HIVEP2: variants seen among roughly 807,000 people sequenced by gnomAD.
The protein encoded by HIVEP2 is HIVEP zinc finger 2, also known as transcription factor HIVEP2.
HIVEP2 carries 14 observed loss-of-function variants against 180.7 expected under a neutral mutation model. The ratio of observed to expected loss-of-function variants is 0.08; its 90% CI spans 0.05 to 0.12. The LOEUF (loss-of-function observed/expected upper bound fraction) is 0.12, where lower values mean the gene tolerates loss of function less well. HIVEP2 is among the 10% of genes least tolerant of loss of function. The pLI is 1.00. For synonymous variants in HIVEP2, 1,184 were observed against 1,136.4 expected, an observed-to-expected ratio of 1.04 and a Z score of -0.84; for missense variants, 2,579 against 3,008.5, an observed-to-expected ratio of 0.86 and a Z score of 3.34.
At chr6:142,909,947 G>A (rs1777362826) in intron 1 of HIVEP2, among the ~76,000 whole-genome samples, 2 of 152,146 alleles carry the variant, frequency 1.3e-5, no homozygotes, top group South Asian at 2.1e-4. Flanking sequence ...TCTTGCTTCT[G>A]ATTTTTATAG....
chr6:142,877,201 T>C (rs1171306616), intron 1 of HIVEP2, among the ~76,000 whole-genome samples: 2 of 152,204 alleles, frequency 1.3e-5, no homozygotes, highest in Non-Finnish European at 2.9e-5. Context: ...ACTAGTCTTA[T>C]TGGCCATCTT....
chr6:142,908,854 CAAAAAA>C lies in HIVEP2; in HGVS notation c.-641+36239_-641+36244del, dbSNP rs11443809. On this transcript the variant is annotated intron_variant, in intron 1 of 9. Transcript: ENST00000367603. ...CTCCACTCTGTAAGATACCACCTCT[CAAAAAA>C]AAAAAAAAAAAAAAAAATTCTGAAT... Among the ~76,000 whole-genome samples, 194 of 87,854 alleles carry C rather than the reference CAAAAAA, an allele frequency of 2.2e-3. 2 individuals carry two copies. The East Asian group carries it at 0.059, about 27-fold the overall frequency. 57.6% of individuals were successfully genotyped at this position (87,854 alleles called of 152,430 possible).
chr6:142,858,230 T>C (rs1008287996), intron 1 of HIVEP2, among the ~76,000 whole-genome samples: 2 of 152,208 alleles, frequency 1.3e-5, no homozygotes, highest in Admixed American at 6.5e-5. Flanking sequence ...AAGAGGAGTT[T>C]GAAGTATATG....
Position 142,922,033 on chromosome 6 carries a change from C to A in HIVEP2, c.-641+23066G>T, listed in dbSNP as rs558076695. 2.0e-3 allele frequency among the ~76,000 whole-genome samples: 299 copies of A among 152,198 alleles called. 1 individual carries two copies. Among genetic ancestry groups the A allele is most frequent in the Admixed American group, 3.9e-3 (59 of 15,286 alleles). On this transcript the variant is annotated intron_variant, in intron 1 of 9. Coordinates refer to ENST00000367603, the MANE Select transcript of HIVEP2 (RefSeq NM_006734.4). ...AACTTCGTTGGCGTCTAAGACGTGA[C>A]CCTTTCTTCATTTCCCTCCTCTCTG... is the stretch of plus-strand genomic sequence containing the variant.
intron 1 of HIVEP2, among the ~76,000 whole-genome samples, chr6:142,904,579 AAATCATAATTCAATATGGAT>A (rs1777216687): frequency 6.6e-6 from 1 of 152,224 alleles, no homozygotes; most frequent in African/African-American, 2.4e-5. Context: ...ACTCAAGTCT[AAATCATAATTCAATATGGAT>A]ATTAGTCCAT....
intron 1 of HIVEP2, among the ~76,000 whole-genome samples, chr6:142,904,135 T>C (rs116659985): frequency 7.8e-4 from 118 of 152,250 alleles, no homozygotes; most frequent in Middle Eastern, 3.4e-3. Flanking sequence ...AAAAACCCAA[T>C]TCAGCCTGTC....
intron 3 of HIVEP2, among the ~76,000 whole-genome samples, chr6:142,780,338 T>C (rs1045508199): frequency 5.3e-5 from 8 of 152,332 alleles, no homozygotes; most frequent in Non-Finnish European, 1.2e-4. Context: ...ATCCACAATG[T>C]CTAGTTTTTC....
intron 1 of HIVEP2, among the ~76,000 whole-genome samples, chr6:142,846,241 C>T (rs1775513448): frequency 1.3e-5 from 2 of 151,940 alleles, no homozygotes; most frequent in African/African-American, 4.8e-5. Context: ...ATTTTACCCT[C>T]TCCTGTCAGG....
intron 2 of HIVEP2, among the ~76,000 whole-genome samples, chr6:142,827,368 C>A (rs1199730391): frequency 1.3e-5 from 2 of 152,012 alleles, no homozygotes; most frequent in Non-Finnish European, 2.9e-5. Context: ...TAATAGTATC[C>A]CTATCACCTC....
At position 142,771,144 on chromosome 6, in the gene HIVEP2, A is replaced by C; in HGVS notation, c.3595T>G (p.Ser1199Ala). 6.2e-7 allele frequency: 1 copy of C among 1,614,226 alleles called. No homozygotes were observed. Residue 1199 changes from serine to alanine, a missense_variant, in exon 5 of 10, where the codon TCT (serine) becomes GCT (alanine). Ser to Ala is a moderately conservative substitution (Grantham distance 99). Coordinates refer to ENST00000367603, the MANE Select transcript of HIVEP2 (RefSeq NM_006734.4). This position sits in a 1 kb window ranked among gnomAD's most constrained non-coding sequence, Gnocchi z 5.4. ...TGAAACAAGGCATTCTGGATTGGAG[A>C]AAATGGAATTGTCTCTTGATGTGGA... Reference protein sequence around the residue: ...LFPHQETIPFSPIQNALFQFQ... With the variant: ...LFPHQETIPFAPIQNALFQFQ...
intron 1 of HIVEP2, among the ~76,000 whole-genome samples, chr6:142,863,209 G>A (rs1447287280): frequency 6.7e-6 from 1 of 150,120 alleles, no homozygotes; most frequent in Non-Finnish European, 1.5e-5. Context: ...CCTGTTCACA[G>A]CTCCAGAGTA....
chr6:142,791,148 G>T (rs924560369), intron 2 of HIVEP2, among the ~76,000 whole-genome samples: 3 of 152,034 alleles, frequency 2.0e-5, no homozygotes, highest in African/African-American at 7.2e-5. Context: ...GGAAACCAAA[G>T]AACAAATCTG....
intron 1 of HIVEP2, among the ~76,000 whole-genome samples, chr6:142,891,316 T>G (rs1366520977): frequency 2.0e-5 from 3 of 152,046 alleles, no homozygotes; most frequent in African/African-American, 7.2e-5. Context: ...GAACCCAGAT[T>G]GTGTTCATGT....
chr6:142,845,446 C>A (rs185786580), intron 1 of HIVEP2, among the ~76,000 whole-genome samples: 1 of 152,238 alleles, frequency 6.6e-6, no homozygotes, highest in Non-Finnish European at 1.5e-5. Flanking sequence ...TGTATATATA[C>A]GTATGTCTTT....
intron 1 of HIVEP2, among the ~76,000 whole-genome samples, chr6:142,891,324 TGTATTCCCACATCAA>T (rs1776855276): frequency 6.6e-6 from 1 of 152,018 alleles, no homozygotes; most frequent in Admixed American, 6.5e-5. Context: ...ATTGTGTTCA[TGTATTCCCACATCAA>T]GAATTTTAGC....
intron 1 of HIVEP2, among the ~76,000 whole-genome samples, chr6:142,944,644 A>G (rs1778268664): frequency 6.6e-6 from 1 of 152,172 alleles, no homozygotes; most frequent in Non-Finnish European, 1.5e-5. Flanking sequence ...GCACCACGTC[A>G]TGGAACATTC....
At chr6:142,797,795 G>C (rs186651555) in intron 2 of HIVEP2, among the ~76,000 whole-genome samples, 87 of 151,958 alleles carry the variant, frequency 5.7e-4, no homozygotes, top group African/African-American at 2.0e-3. Context: ...CTTTATCATA[G>C]GTATGTATGC....
chr6:142,887,213 A>G (rs2128419472), intron 1 of HIVEP2, among the ~76,000 whole-genome samples: 1 of 152,326 alleles, frequency 6.6e-6, no homozygotes, highest in East Asian at 1.9e-4. Flanking sequence ...ATAAGGTTTC[A>G]TTATGCATTT....
At chr6:142,818,721 A>AAGG (rs1776924131) in intron 2 of HIVEP2, among the ~76,000 whole-genome samples, 2 of 107,022 alleles carry the variant, frequency 1.9e-5, no homozygotes, top group African/African-American at 6.8e-5. Flanking sequence ...GAAAGAAAGA[A>AAGG]AAGAAAGAAA....
Sources: allele counts gnomAD v4.1 joint callset (sites outside exome capture counted in the v4.1 genomes callset), GRCh38; gene constraint gnomAD v4.1.1; non-coding constraint Gnocchi (gnomAD v3.1); transcripts MANE v1.5; gene names NCBI Gene and HGNC (gene_info 2026-07-23, HGNC 2026-07-21).